The following KALRN variants were observed in gnomAD, a reference collection of about 807,000 sequenced individuals.
KALRN encodes the protein kalirin RhoGEF kinase.
KALRN carries 70 observed loss-of-function variants against 353.7 expected under a neutral mutation model. That is an observed-to-expected ratio of 0.20 (90% confidence interval 0.16 to 0.24). The LOEUF (loss-of-function observed/expected upper bound fraction) is 0.24. KALRN is among the 10% of genes least tolerant of loss of function. The pLI is 1.00. For missense variants in KALRN, 2,791 were observed against 3,756.7 expected (o/e 0.74, Z 6.72); for synonymous variants, 1,391 against 1,434.8 (o/e 0.97, Z 0.69).
intron 1 of KALRN, among the ~76,000 whole-genome samples, chr3:124,098,470 G>T (rs916648524): frequency 6.6e-6 from 1 of 152,188 alleles, no homozygotes; most frequent in Admixed American, 6.5e-5. Context: ...CTTGGCCCCA[G>T]TATGTCTCCA....
intron 1 of KALRN, among the ~76,000 whole-genome samples, chr3:124,041,593 T>C (rs181698489): frequency 3.3e-5 from 5 of 152,282 alleles, no homozygotes; most frequent in Admixed American, 2.6e-4. Context: ...AGTAGAAGAA[T>C]GGCAGTCCCT....
At chr3:124,222,032 G>A (rs2077976220) in intron 1 of KALRN, among the ~76,000 whole-genome samples, 1 of 152,174 alleles carries the variant, frequency 6.6e-6, no homozygotes, top group African/African-American at 2.4e-5. Context: ...GGTGCAGGTG[G>A]GATAAAGAGG....
At chr3:124,454,016 C>T (rs2107539135) in intron 21 of KALRN, among the ~76,000 whole-genome samples, 1 of 152,276 alleles carries the variant, frequency 6.6e-6, no homozygotes, top group South Asian at 2.1e-4. Flanking sequence ...GTACTACGGA[C>T]CAAGTAGGTA....
At chr3:124,705,822 C>CCTCCCTT (rs1553740574) in intron 57 of KALRN, among the ~76,000 whole-genome samples, 5 of 144,664 alleles carry the variant, frequency 3.5e-5, no homozygotes, top group African/African-American at 1.3e-4. Context: ...CTTCCTTCCT[C>CCTCCCTT]CCTTCCTTCC....
intron 34 of KALRN, among the ~76,000 whole-genome samples, chr3:124,569,195 C>T (rs1185837743): frequency 1.3e-5 from 2 of 152,126 alleles, no homozygotes; most frequent in Non-Finnish European, 1.5e-5. Context: ...GAAGCAGATG[C>T]TCTAGAGGAG....
At chr3:124,320,312 C>T (rs1310313138) in intron 6 of KALRN, among the ~76,000 whole-genome samples, 1 of 152,170 alleles carries the variant, frequency 6.6e-6, no homozygotes, top group Non-Finnish European at 1.5e-5. Flanking sequence ...GATGATCTGA[C>T]AGGTGATCAC....
intron 5 of KALRN, among the ~76,000 whole-genome samples, chr3:124,295,173 T>G (rs1373608): frequency 1.3e-5 from 2 of 151,816 alleles, no homozygotes; most frequent in East Asian, 3.9e-4. Flanking sequence ...CTAGAGAAGA[T>G]TTGTGATTGT....
chr3:124,518,764 C>G, intron 33 of KALRN: 1 of 1,322,602 alleles, frequency 7.6e-7, no homozygotes, highest in Non-Finnish European at 9.7e-7. Flanking sequence ...CAATGTACTT[C>G]CCCCAGATCC....
At position 124,330,121 on chromosome 3, in the gene KALRN, T is replaced by C. The variant is rs1658844492; in HGVS notation, c.1416+129T>C. 7.9e-6 allele frequency: 8 copies of C among 1,014,058 alleles called. No individual in the cohort carries two copies. The Admixed American group carries it at 2.2e-4, about 28-fold the overall frequency. 62.8% of individuals were successfully genotyped at this position (1,014,058 alleles called of 1,614,324 possible). On this transcript the variant is annotated intron_variant, in intron 8 of 59. Transcript: ENST00000682506. ...GAAGAAGAGGCTGTTTTTCTTTTTT[T>C]TTGGTGACATCTTTAGGAACCTTGA...
chr3:124,704,167 C>A lies in KALRN; in HGVS notation c.8075+2051C>A, dbSNP rs200705018. On this transcript the variant is annotated intron_variant, in intron 57 of 59. Transcript: ENST00000682506. ...CAAAATAAGCTCTAGTAACTGAAAT[C>A]TAGTTTGCTTTATTATATTGAAATT... Among the ~76,000 whole-genome samples, 40 of 152,278 alleles carry A rather than the reference C, an allele frequency of 2.6e-4. No homozygotes were observed. In the East Asian group the frequency reaches 6.0e-3, roughly 23 times the overall value.
intron 59 of KALRN, 109 bp downstream of exon 59, chr3:124,717,494 G>A (rs112893511): frequency 7.0e-4 from 449 of 644,574 alleles, no homozygotes; most frequent in African/African-American, 6.6e-3. Flanking sequence ...AGACCATCCT[G>A]GCTGACACGG....
intron 1 of KALRN, among the ~76,000 whole-genome samples, chr3:124,136,733 C>T (rs141375333): frequency 6.6e-6 from 1 of 152,264 alleles, no homozygotes; most frequent in Admixed American, 6.5e-5. Flanking sequence ...TTGAGGCAGC[C>T]AGAAGATCCT....
In KALRN at chr3:124,491,337, T is replaced by C. The variant is rs1468871171; in HGVS notation, c.4602T>C (p.Gly1534=). 1 of 1,606,266 alleles carries C rather than the reference T, an allele frequency of 6.2e-7. No homozygotes were observed. The highest frequency in any genetic ancestry group is 1.7e-4 in the Middle Eastern group (1 of 6,032). Reference sequence around the variant, plus strand: ...CCTGTCTACAGACCTCAGAGCTGGGTGTGACCGAGCACGTGGAGGGCGATC... The same window carrying C: ...CCTGTCTACAGACCTCAGAGCTGGGCGTGACCGAGCACGTGGAGGGCGATC... ...YKNKLLTSEL[G]VTEHVEGDPC... is the part of the protein sequence containing the mutation. The change falls in exon 31 of 60, where the codon GGT becomes GGC. Residue 1534 remains glycine (G), a synonymous_variant. Coordinates refer to ENST00000682506, the MANE Select transcript of KALRN (RefSeq NM_001388419.1).
rs1254667377 is a variant in KALRN, at chr3:124,719,167, G to A, written c.8658G>A (p.Glu2886=). ...CCCCCTTCTTGGATGAGAGCAAAGA[G>A]GAGACATGTATCAACGTATGCAGGG... ...GVSPFLDESK[E]ETCINVCRVD... The change falls in exon 60 of 60, where the codon GAG becomes GAA. Residue 2886 remains glutamate (E), a synonymous_variant. Transcript: ENST00000682506. This position sits in a 1 kb window ranked among gnomAD's most constrained non-coding sequence, Gnocchi z 5.3. The A allele has an allele frequency of 1.2e-6, 2 of 1,614,160 alleles. No individual in the cohort carries two copies. The highest frequency in any genetic ancestry group is 1.7e-6 in the Non-Finnish European group (2 of 1,180,062).
chr3:124,420,386 A>T (rs761942579), intron 14 of KALRN, among the ~76,000 whole-genome samples: 1 of 152,242 alleles, frequency 6.6e-6, no homozygotes, highest in South Asian at 2.1e-4. Context: ...ACAAATCCGC[A>T]TCAAGACTGG....
At chr3:124,292,610 C>T (rs950256506) in intron 5 of KALRN, among the ~76,000 whole-genome samples, 1 of 150,900 alleles carries the variant, frequency 6.6e-6, no homozygotes. Context: ...GGACAGGCAC[C>T]TTTGGGCTGT....
At chr3:124,115,288 A>T (rs1237781448) in intron 1 of KALRN, among the ~76,000 whole-genome samples, 2 of 152,186 alleles carry the variant, frequency 1.3e-5, no homozygotes, top group African/African-American at 4.8e-5. Context: ...TTTATTCAGT[A>T]GTCTATGGGC....
At chr3:124,373,249 G>C (rs1411199026) in intron 10 of KALRN, among the ~76,000 whole-genome samples, 1 of 152,138 alleles carries the variant, frequency 6.6e-6, no homozygotes, top group Non-Finnish European at 1.5e-5. Flanking sequence ...GGTCTAAAAT[G>C]GTGGTTCTCA....
intron 1 of KALRN, among the ~76,000 whole-genome samples, chr3:124,184,112 CCGAA>C (rs2073934664): frequency 6.6e-6 from 1 of 152,164 alleles, no homozygotes; most frequent in Non-Finnish European, 1.5e-5. Context: ...TCTAGACAAA[CCGAA>C]CACAGGCATG....
Sources: allele counts gnomAD v4.1 joint callset (sites outside exome capture counted in the v4.1 genomes callset), GRCh38; gene constraint gnomAD v4.1.1; non-coding constraint Gnocchi (gnomAD v3.1); transcripts MANE v1.5; gene names NCBI Gene and HGNC (gene_info 2026-07-23, HGNC 2026-07-21).